Variants in SUSD1 observed in about 807,000 individuals in gnomAD.
The protein encoded by SUSD1 is sushi domain containing 1.
SUSD1 carries 65 observed loss-of-function variants against 86.9 expected under a neutral mutation model. That is an observed-to-expected ratio of 0.75 (90% CI 0.61 to 0.92). The LOEUF is 0.92. Ranked by LOEUF, SUSD1 falls within the 40% of genes least tolerant of loss-of-function variation. SUSD1 has a pLI of 0.00. For synonymous variants in SUSD1, 346 were observed against 350.0 expected (o/e 0.99, Z 0.13); for missense variants, 850 against 929.7 (o/e 0.91, Z 1.11).
intron 5 of SUSD1, among the ~76,000 whole-genome samples, chr9:112,130,848 CAAAAA>C (rs35275299): frequency 8.5e-6 from 1 of 118,014 alleles, no homozygotes; most frequent in African/African-American, 3.0e-5. Flanking sequence ...AACATCTCTA[CAAAAA>C]AAAAAAAAAA....
rs144359838 is a variant in SUSD1, at chr9:112,046,456, T to C, written c.2150-4496A>G. Among the ~76,000 whole-genome samples the C allele has an allele frequency of 3.3e-3, 504 of 152,164 alleles. 3 individuals carry two copies. Among genetic ancestry groups the C allele is most frequent in the Non-Finnish European group, 5.0e-3 (343 of 68,026 alleles). On this transcript the variant is annotated intron_variant, in intron 15 of 16. Transcript: ENST00000374270. ...GTCCATTAAGACTAAACTTCACCATTCTCTTTATGGTGGCTCCCTCAAGAG... is the reference window on the plus strand; with the variant it reads ...GTCCATTAAGACTAAACTTCACCATCCTCTTTATGGTGGCTCCCTCAAGAG...
At chr9:112,160,583 G>A (rs1364933533) in intron 1 of SUSD1, among the ~76,000 whole-genome samples, 1 of 152,112 alleles carries the variant, frequency 6.6e-6, no homozygotes, top group African/African-American at 2.4e-5. Context: ...AGATGGATGG[G>A]CCAGGTACAG....
intron 2 of SUSD1, among the ~76,000 whole-genome samples, chr9:112,150,808 G>A (rs2131794942): frequency 6.6e-6 from 1 of 152,338 alleles, no homozygotes; most frequent in South Asian, 2.1e-4. Flanking sequence ...AGTATAAAAT[G>A]TAAAAAACTG....
intron 10 of SUSD1, among the ~76,000 whole-genome samples, chr9:112,080,479 C>T (rs1294067183): frequency 2.6e-5 from 4 of 151,982 alleles, no homozygotes; most frequent in Admixed American, 6.6e-5. Flanking sequence ...CTTGAGGCCA[C>T]GAGTTCGAGA....
intron 1 of SUSD1, among the ~76,000 whole-genome samples, chr9:112,169,611 C>T (rs1034354321): frequency 6.6e-6 from 1 of 151,832 alleles, no homozygotes; most frequent in Admixed American, 6.6e-5. Flanking sequence ...CAGTCACTCA[C>T]TTAACCCCTA....
At chr9:112,056,819 G>T (rs1173576157) in intron 14 of SUSD1, among the ~76,000 whole-genome samples, 1 of 152,010 alleles carries the variant, frequency 6.6e-6, no homozygotes, top group Non-Finnish European at 1.5e-5. Context: ...CCAGGCTCAA[G>T]AAATCTCCTG....
intron 11 of SUSD1, 31 bp from the exon 12 acceptor site, chr9:112,078,755 G>C: frequency 6.3e-7 from 1 of 1,597,708 alleles, no homozygotes; most frequent in Non-Finnish European, 8.6e-7. Flanking sequence ...CTGGGTGAAT[G>C]GTTGGCCTAA....
chr9:112,159,064 A>G (rs939413683), intron 1 of SUSD1, among the ~76,000 whole-genome samples: 4 of 152,080 alleles, frequency 2.6e-5, no homozygotes, highest in African/African-American at 9.7e-5. Flanking sequence ...GCCAAGTCCC[A>G]GTAGGATGAC....
intron 15 of SUSD1, among the ~76,000 whole-genome samples, chr9:112,050,473 G>A (rs10981232): frequency 0.031 from 4,713 of 152,264 alleles, 233 homozygotes; most frequent in African/African-American, 0.11. Context: ...GATATTTCCT[G>A]CACAGTATTC....
intron 10 of SUSD1, among the ~76,000 whole-genome samples, chr9:112,085,152 A>G (rs1829924563): frequency 6.6e-6 from 1 of 152,220 alleles, no homozygotes; most frequent in Non-Finnish European, 1.5e-5. Flanking sequence ...TGCAATCAGC[A>G]ATAAGGGGAA....
chr9:112,129,467 C>T (rs1411373030), intron 5 of SUSD1, among the ~76,000 whole-genome samples: 1 of 152,082 alleles, frequency 6.6e-6, no homozygotes, highest in Non-Finnish European at 1.5e-5. Flanking sequence ...CGTGCACAAC[C>T]ATATATGGCT....
At chr9:112,149,145 A>G (rs911315353) in intron 3 of SUSD1, 99 bp downstream of exon 3, 41 of 1,496,446 alleles carry the variant, frequency 2.7e-5, no homozygotes, top group Non-Finnish European at 3.3e-5. Flanking sequence ...TATGCCATCT[A>G]ACAAAACTAA....
At chr9:112,165,983 A>AAGAAAGAAAGAAAGAAAGAG (rs1833809266) in intron 1 of SUSD1, among the ~76,000 whole-genome samples, 1 of 151,446 alleles carries the variant, frequency 6.6e-6, no homozygotes, top group Non-Finnish European at 1.5e-5. Flanking sequence ...GAAAGAAAGA[A>AAGAAAGAAAGAAAGAAAGAG]AGAAAGAAAG....
chr9:112,057,924 T>C (rs536432304), intron 14 of SUSD1, among the ~76,000 whole-genome samples: 3 of 152,316 alleles, frequency 2.0e-5, no homozygotes, highest in Admixed American at 6.5e-5. Flanking sequence ...CTAATGAATA[T>C]TGAGTTCCAC....
At chr9:112,146,372 A>G (rs998652629) in intron 3 of SUSD1, among the ~76,000 whole-genome samples, 1 of 152,202 alleles carries the variant, frequency 6.6e-6, no homozygotes, top group African/African-American at 2.4e-5. Context: ...TGAGTTGTAT[A>G]CATCAAAAGG....
At chr9:112,081,425 C>G (rs145175863) in intron 10 of SUSD1, among the ~76,000 whole-genome samples, 23 of 152,230 alleles carry the variant, frequency 1.5e-4, no homozygotes, top group Non-Finnish European at 3.1e-4. Flanking sequence ...AGGTAGGGAA[C>G]AGGAGGAAAA....
At position 112,149,297 on chromosome 9, in the gene SUSD1, C is replaced by T. The variant is rs896112398; in HGVS notation, c.320G>A (p.Arg107Gln). ...GAATGTCTTGTTGTTGTTTGTGGCT[C>T]GATATCCTTCCAGGCAAATGCAATA... is the stretch of plus-strand genomic sequence containing the variant. Reference protein sequence around the residue: ...GFYCICLEGYRATNNNKTFIP... With the variant: ...GFYCICLEGYQATNNNKTFIP... The change falls in exon 3 of 17, where the codon CGA becomes CAA. Residue 107 changes from arginine to glutamine, a missense_variant. By Grantham distance (43) the Arg-to-Gln change is conservative. Transcript: ENST00000374270. 5.0e-6 allele frequency: 8 copies of T among 1,614,114 alleles called. No individual in the cohort carries two copies. The highest frequency in any genetic ancestry group is 2.2e-5 in the South Asian group (2 of 91,078).
At chr9:112,044,201 A>G (rs769289941) in intron 15 of SUSD1, among the ~76,000 whole-genome samples, 42 of 152,274 alleles carry the variant, frequency 2.8e-4, no homozygotes, top group Non-Finnish European at 2.6e-4. Context: ...ACAGTAAAAC[A>G]GTGCAGTATT....
chr9:112,115,539 G>A (rs1388050440), intron 6 of SUSD1, among the ~76,000 whole-genome samples: 1 of 152,156 alleles, frequency 6.6e-6, no homozygotes, highest in Non-Finnish European at 1.5e-5. Flanking sequence ...GGGTGCGGTG[G>A]CTCACGCCTG....
Sources: allele counts gnomAD v4.1 joint callset (sites outside exome capture counted in the v4.1 genomes callset), GRCh38; gene constraint gnomAD v4.1.1; transcripts MANE v1.5; gene names NCBI Gene and HGNC (gene_info 2026-07-23, HGNC 2026-07-21).